Variants in SLC25A28 observed in about 807,000 individuals in gnomAD.
SLC25A28 encodes the protein solute carrier family 25 member 28.
SLC25A28 carries 10 observed loss-of-function variants against 31.9 expected under a neutral mutation model. The ratio of observed to expected loss-of-function variants is 0.31; its 90% CI spans 0.19 to 0.53. The LOEUF (loss-of-function observed/expected upper bound fraction) is 0.53, where lower values mean the gene tolerates loss of function less well. SLC25A28 is among the 20% of genes least tolerant of loss of function. SLC25A28 has a pLI of 0.95. For missense variants in SLC25A28, 256 were observed against 490.3 expected, an observed-to-expected ratio of 0.52 and a Z score of 4.51; for synonymous variants, 208 against 203.6, an observed-to-expected ratio of 1.02 and a Z score of -0.19.
the SLC25A28 span, among the ~76,000 whole-genome samples, chr10:99,628,255 G>T: frequency 6.6e-6 from 1 of 152,130 alleles, no homozygotes; most frequent in South Asian, 2.1e-4. Flanking sequence ...ACAAGAAAAA[G>T]CTGAGTAATA....
At chr10:99,649,557 T>C in the SLC25A28 span, among the ~76,000 whole-genome samples, 1 of 152,210 alleles carries the variant, frequency 6.6e-6, no homozygotes, top group Non-Finnish European at 1.5e-5. Context: ...TTTGGTAGAA[T>C]TTGGCTGTGA....
chr10:99,613,072 C>G lies in SLC25A28; in HGVS notation c.521-473G>C, dbSNP rs2034567943. 1.3e-5 allele frequency among the ~76,000 whole-genome samples: 2 copies of G among 152,140 alleles called. No individual in the cohort carries two copies. Among genetic ancestry groups the G allele is most frequent in the Admixed American group, 1.3e-4 (2 of 15,288 alleles). On this transcript the variant is annotated intron_variant, in intron 2 of 3. Coordinates refer to ENST00000370495, the MANE Select transcript of SLC25A28 (RefSeq NM_031212.4). This position sits in a 1 kb window ranked among gnomAD's most constrained non-coding sequence, Gnocchi z 4.9. ...TCTACAAAGATCTTTCGTTCAGGTC[C>G]TGAACTACTCTACCCCTCATCCTCT... is the stretch of plus-strand genomic sequence containing the variant.
At chr10:99,646,498 T>C in the SLC25A28 span, among the ~76,000 whole-genome samples, 61,861 of 152,072 alleles carry the variant, frequency 0.41, 12,843 homozygotes, top group East Asian at 0.6. Flanking sequence ...CCCCAACCCC[T>C]TGTGCTTCCC....
At chr10:99,648,610 C>T in the SLC25A28 span, among the ~76,000 whole-genome samples, 3 of 150,886 alleles carry the variant, frequency 2.0e-5, no homozygotes, top group Non-Finnish European at 4.4e-5. Context: ...TTTGCATAAT[C>T]TACTATTTCT....
At chr10:99,627,444 G>GT in the SLC25A28 span, among the ~76,000 whole-genome samples, 37,262 of 139,710 alleles carry the variant, frequency 0.27, 4,745 homozygotes, top group Non-Finnish European at 0.29. Flanking sequence ...TATTCATCTT[G>GT]TTTTTTTTTT....
chr10:99,620,893 G>T, upstream of SLC25A28: 2 of 985,470 alleles, frequency 2.0e-6, no homozygotes, highest in Non-Finnish European at 2.4e-6. Flanking sequence ...CGCGTCGGGG[G>T]CGGGGCGGCG....
chr10:99,644,243 G>T, the SLC25A28 span, among the ~76,000 whole-genome samples: 1 of 152,058 alleles, frequency 6.6e-6, no homozygotes. Flanking sequence ...TATGACTCTG[G>T]GTGCTCCCGT....
the SLC25A28 span, among the ~76,000 whole-genome samples, chr10:99,636,956 C>A: frequency 6.6e-6 from 1 of 151,872 alleles, no homozygotes; most frequent in Admixed American, 6.6e-5. Context: ...CAGCATCACC[C>A]TAATACTAAA....
At chr10:99,635,827 T>C in the SLC25A28 span, among the ~76,000 whole-genome samples, 1 of 152,182 alleles carries the variant, frequency 6.6e-6, no homozygotes, top group Non-Finnish European at 1.5e-5. Flanking sequence ...GCTATTCTTA[T>C]ATCAGACAAA....
At chr10:99,622,805 ATCTT>A (rs2034820655), upstream of SLC25A28, 1 of 549,624 alleles carries the variant, frequency 1.8e-6, no homozygotes, top group Admixed American at 6.3e-5. Flanking sequence ...TTGGAACCCT[ATCTT>A]TATTTCCCTT....
chr10:99,640,148 T>C, the SLC25A28 span, among the ~76,000 whole-genome samples: 10 of 152,224 alleles, frequency 6.6e-5, no homozygotes, highest in Non-Finnish European at 1.5e-4. Context: ...TATTGTTTTA[T>C]ATTAGTTATC....
the SLC25A28 span, among the ~76,000 whole-genome samples, chr10:99,639,869 C>T: frequency 6.6e-6 from 1 of 152,076 alleles, no homozygotes; most frequent in Admixed American, 6.6e-5. Flanking sequence ...GGATTTAATT[C>T]ACTTACTTCA....
At chr10:99,619,910 C>T in intron 1 of SLC25A28, 135 bp downstream of exon 1, 1 of 878,638 alleles carries the variant, frequency 1.1e-6, no homozygotes, top group Non-Finnish European at 1.6e-6. Context: ...AGTGTCGGTT[C>T]GAATCATGTG....
chr10:99,614,919 A>G (rs964126324), intron 1 of SLC25A28, among the ~76,000 whole-genome samples: 1 of 152,208 alleles, frequency 6.6e-6, no homozygotes, highest in East Asian at 1.9e-4. Context: ...AGCACCTCTG[A>G]TTTGTTTGCT....
the SLC25A28 span, among the ~76,000 whole-genome samples, chr10:99,648,019 T>C: frequency 7.9e-5 from 12 of 152,052 alleles, no homozygotes; most frequent in East Asian, 1.9e-4. Flanking sequence ...TTTTTTTTTT[T>C]CAGAAAGTCT....
At chr10:99,620,440 G>A (rs1439297163), upstream of SLC25A28, 2 of 1,042,906 alleles carry the variant, frequency 1.9e-6, no homozygotes, top group East Asian at 8.5e-5. Context: ...CAGAGAGCCC[G>A]GGGCCTCCGG....
upstream of SLC25A28, among the ~76,000 whole-genome samples, chr10:99,622,414 TAG>T (rs2034812443): frequency 1.3e-5 from 2 of 152,216 alleles, no homozygotes; most frequent in Non-Finnish European, 2.9e-5. Context: ...GAGAAATGAA[TAG>T]GTCTCACAAA....
the SLC25A28 span, among the ~76,000 whole-genome samples, chr10:99,632,693 CT>C: frequency 6.6e-6 from 1 of 152,170 alleles, no homozygotes; most frequent in Non-Finnish European, 1.5e-5. Flanking sequence ...ATTCTTTCTA[CT>C]TCTTTTTTTC....
the SLC25A28 span, among the ~76,000 whole-genome samples, chr10:99,629,296 G>A: frequency 1.3e-5 from 2 of 152,156 alleles, no homozygotes; most frequent in East Asian, 1.9e-4. Flanking sequence ...GCAGCCTGAG[G>A]CCCTCCTCAG....
Sources: gnomAD v4.1 joint callset for allele counts (sites outside exome capture counted in the v4.1 genomes callset) on GRCh38, gnomAD v4.1.1 for gene constraint, Gnocchi (gnomAD v3.1) non-coding constraint, MANE v1.5 for transcripts, NCBI Gene and HGNC (gene_info 2026-07-23, HGNC 2026-07-21) for gene names.